NUGGC: variants seen among roughly 807,000 people sequenced by gnomAD.
NUGGC encodes the protein nuclear GTPase SLIP-GC.
In NUGGC, 58 loss-of-function variants were observed where a neutral mutation model predicts 92.6. The observed-to-expected ratio is 0.63, with a 90% CI of 0.51 to 0.78. The LOEUF (loss-of-function observed/expected upper bound fraction) is 0.78. Among genes scored for constraint, NUGGC ranks in the 30% least tolerant of loss-of-function variants. The pLI is 0.00. For missense variants in NUGGC, 925 were observed against 964.6 expected (o/e 0.96, Z 0.54); for synonymous variants, 376 against 366.4 (o/e 1.03, Z -0.30).
chr8:28,033,517 G>T (rs745312787), intron 14 of NUGGC, 23 bp downstream of exon 14: 1 of 1,606,804 alleles, frequency 6.2e-7, no homozygotes, highest in Non-Finnish European at 8.5e-7. Context: ...GTTCCCGAAG[G>T]TGCAAGATGA....
At chr8:28,064,054 C>T (rs1810375601) in intron 7 of NUGGC, among the ~76,000 whole-genome samples, 1 of 152,212 alleles carries the variant, frequency 6.6e-6, no homozygotes, top group Non-Finnish European at 1.5e-5. Context: ...CCACGGACCC[C>T]ATGCTCCTTC....
At chr8:28,034,677 C>T (rs778334464) in intron 13 of NUGGC, among the ~76,000 whole-genome samples, 51 of 151,920 alleles carry the variant, frequency 3.4e-4, no homozygotes, top group Non-Finnish European at 7.4e-5. Flanking sequence ...ATTAGCCAGG[C>T]ATGGTGGCAC....
At position 28,022,159 on chromosome 8, in the gene NUGGC, T is replaced by G. The variant is rs28729520; in HGVS notation, c.*1158A>C. On this transcript the variant is annotated 3_prime_UTR_variant, in exon 19 of 19. Coordinates refer to ENST00000413272, the MANE Select transcript of NUGGC (RefSeq NM_001010906.2). Reference sequence around the variant, plus strand: ...TATATATATATTTTTTTCTTTTTCTTTTTTTTTTTTTTTTTTTGAGACATA... The same window carrying G: ...TATATATATATTTTTTTCTTTTTCTGTTTTTTTTTTTTTTTTTGAGACATA... The G allele has an allele frequency of 2.3e-5, 1 of 42,782 alleles. No homozygotes were observed. The allele number at this position is 42,782 out of a possible 1,614,324, so 2.7% of individuals were successfully genotyped here. A position where few individuals can be genotyped will look rare whatever the true frequency, so the allele number is the denominator to read the frequency against.
chr8:28,056,505 C>T (rs1414453870), intron 9 of NUGGC, among the ~76,000 whole-genome samples: 1 of 151,368 alleles, frequency 6.6e-6, no homozygotes, highest in Admixed American at 6.6e-5. Context: ...ACACAGTTGA[C>T]CCTTGGACTA....
chr8:28,041,176 C>A lies in NUGGC; in HGVS notation c.1486G>T (p.Glu496Ter). 3.7e-6 allele frequency: 6 copies of A among 1,611,086 alleles called. No individual in the cohort carries two copies. The highest frequency in any genetic ancestry group is 5.1e-6 in the Non-Finnish European group (6 of 1,178,872). Residue 496 changes from glutamate to a stop codon, truncating the protein, a stop_gained, in exon 13 of 19, where the codon GAA becomes TAA. Transcript: ENST00000413272. LOFTEE classifies it high-confidence loss of function. ...LHMSVLRRFAEEKVELLEKAI... is the reference protein window; with the variant it reads ...LHMSVLRRFA ...TTCTCCAGCAGCTCAACCTTCTCTTCCGCAAATCTCCGCAGGACACTCATG... is the reference window on the plus strand; with the variant it reads ...TTCTCCAGCAGCTCAACCTTCTCTTACGCAAATCTCCGCAGGACACTCATG...
chr8:28,034,425 A>C (rs1004537873), intron 13 of NUGGC, among the ~76,000 whole-genome samples: 2 of 152,220 alleles, frequency 1.3e-5, no homozygotes, highest in Non-Finnish European at 2.9e-5. Context: ...GTTTTAAGGG[A>C]ATGGCCACAT....
chr8:28,040,458 G>A (rs1585564156), intron 13 of NUGGC, among the ~76,000 whole-genome samples: 1 of 152,054 alleles, frequency 6.6e-6, no homozygotes, highest in South Asian at 2.1e-4. Flanking sequence ...GGCTTTGCCC[G>A]GGGCTACAAG....
At chr8:28,068,127 G>GAAGA in intron 5 of NUGGC, 89 bp downstream of exon 5, 2 of 740,634 alleles carry the variant, frequency 2.7e-6, no homozygotes, top group South Asian at 1.8e-5. Flanking sequence ...AGGAAGGAAG[G>GAAGA]AAGAAAGAAA....
chr8:28,069,443 T>A (rs577534995), intron 4 of NUGGC, 101 bp downstream of exon 4: 1 of 644,666 alleles, frequency 1.6e-6, no homozygotes, highest in East Asian at 2.6e-5. Context: ...TTTTCTTAGT[T>A]TCTAATTAAA....
In NUGGC at chr8:28,074,606, T is replaced by G. The variant is rs1810674498; in HGVS notation, c.-46-150A>C. The G allele has an allele frequency of 1.3e-5, 8 of 620,786 alleles. No homozygotes were observed. The South Asian group carries it at 1.4e-4, about 11-fold the overall frequency. The allele number at this position is 620,786 out of a possible 1,614,324, so 38.5% of individuals were successfully genotyped here. ...TCACAACACCTAGTACACTACTTGA[T>G]GGAAATATAACAAAGATTAGTGTTT... On this transcript the variant is annotated intron_variant, in intron 1 of 18. Transcript: ENST00000413272.
chr8:28,030,613 T>G (rs1297808649), intron 15 of NUGGC, among the ~76,000 whole-genome samples, 195 bp from the exon 16 acceptor site: 1 of 152,184 alleles, frequency 6.6e-6, no homozygotes, highest in Admixed American at 6.5e-5. Context: ...ATACCCCAAG[T>G]GCTTCCCATG....
At chr8:28,031,429 G>A in intron 14 of NUGGC, 48 bp from the exon 15 acceptor site, 1 of 1,593,024 alleles carries the variant, frequency 6.3e-7, no homozygotes, top group Non-Finnish European at 8.6e-7. Context: ...TGGCTGCTGT[G>A]AGGCTGAAAC....
intron 18 of NUGGC, 67 bp from the exon 19 acceptor site, chr8:28,023,529 A>G: frequency 6.8e-7 from 1 of 1,470,100 alleles, no homozygotes; most frequent in East Asian, 2.3e-5. Context: ...CAGAAAGCAA[A>G]TCCCCCAACA....
intron 2 of NUGGC, among the ~76,000 whole-genome samples, chr8:28,073,694 C>T (rs1199057529): frequency 6.6e-6 from 1 of 152,156 alleles, no homozygotes; most frequent in Non-Finnish European, 1.5e-5. Flanking sequence ...AGGAGCCGCT[C>T]CAAGGCACCT....
At chr8:28,069,800 A>G (rs368220515) in intron 3 of NUGGC, 148 bp from the exon 4 acceptor site, 12 of 631,228 alleles carry the variant, frequency 1.9e-5, no homozygotes, top group African/African-American at 9.1e-5. Context: ...GTTATCTCAC[A>G]CGAGGGATGG....
intron 2 of NUGGC, among the ~76,000 whole-genome samples, chr8:28,074,148 C>T (rs1810661857): frequency 6.6e-6 from 1 of 151,254 alleles, no homozygotes; most frequent in Non-Finnish European, 1.5e-5. Context: ...TATTTAACTG[C>T]TGGCCAAACA....
At chr8:28,027,456 G>A (rs1180009714) in intron 17 of NUGGC, among the ~76,000 whole-genome samples, 1 of 152,200 alleles carries the variant, frequency 6.6e-6, no homozygotes, top group African/African-American at 2.4e-5. Context: ...GCTCACTGGG[G>A]AGATGTTTGC....
In NUGGC at chr8:28,046,980, TG is replaced by T. The variant is rs1209435398; in HGVS notation, c.1312+526del. Among the ~76,000 whole-genome samples, 414 of 151,570 alleles carry T rather than the reference TG, an allele frequency of 2.7e-3. 2 individuals carry two copies. Among genetic ancestry groups the T allele is most frequent in the African/African-American group, 9.8e-3 (406 of 41,242 alleles). The stretch of plus-strand genomic sequence containing the variant: ...CAACATGCCTGGCTTTTTTTGTTGT[TG>T]TGTTTTGAGACAGAGTTTCACTCTT... On this transcript the variant is annotated intron_variant, in intron 11 of 18. Coordinates refer to ENST00000413272, the MANE Select transcript of NUGGC (RefSeq NM_001010906.2).
chr8:28,025,259 G>C (rs1809227802), intron 18 of NUGGC, among the ~76,000 whole-genome samples: 2 of 152,220 alleles, frequency 1.3e-5, no homozygotes, highest in African/African-American at 4.8e-5. Flanking sequence ...GTAAGGCCCT[G>C]ACAACAGGGA....
Sources: gnomAD v4.1 joint callset for allele counts (sites outside exome capture counted in the v4.1 genomes callset) on GRCh38, gnomAD v4.1.1 for gene constraint, MANE v1.5 for transcripts, NCBI Gene and HGNC (gene_info 2026-07-23, HGNC 2026-07-21) for gene names.